The following SLC26A7 variants were observed in gnomAD, a reference collection of about 807,000 sequenced individuals.
The protein encoded by SLC26A7 is solute carrier family 26 member 7.
Under a neutral mutation model 82.5 loss-of-function variants are expected in SLC26A7, and 59 were observed. That is an observed-to-expected ratio of 0.72 (90% CI 0.58 to 0.89). SLC26A7 has a LOEUF of 0.89. SLC26A7 is among the 40% of genes least tolerant of loss of function. The pLI is 0.00. For synonymous variants in SLC26A7, 271 were observed against 274.3 expected (o/e 0.99, Z 0.12); for missense variants, 820 against 793.0 (o/e 1.03, Z -0.41).
intron 2 of SLC26A7, among the ~76,000 whole-genome samples, chr8:91,223,298 T>C (rs1167135681): frequency 6.6e-6 from 1 of 152,112 alleles, no homozygotes; most frequent in Non-Finnish European, 1.5e-5. Context: ...GATTCATTTA[T>C]TTTTTGGAGG....
At chr8:91,379,988 A>G (rs1428430375) in intron 15 of SLC26A7, among the ~76,000 whole-genome samples, 1 of 152,136 alleles carries the variant, frequency 6.6e-6, no homozygotes, top group Non-Finnish European at 1.5e-5. Context: ...ATGAACAGGC[A>G]TTTCACATAA....
intron 10 of SLC26A7, among the ~76,000 whole-genome samples, chr8:91,352,104 A>C (rs1246382057): frequency 2.6e-5 from 4 of 151,902 alleles, no homozygotes; most frequent in Non-Finnish European, 5.9e-5. Flanking sequence ...TTTGGCTCTC[A>C]CATAAGAATG....
At position 91,334,290 on chromosome 8, in the gene SLC26A7, T is replaced by C; in HGVS notation, c.643-5T>C. ...TTTTGTTTGTATTTTTTCTCATTAC[T>C]GTAGATTTATGCATATGTTTTTGAA... On this transcript the variant is annotated splice_polypyrimidine_tract_variant and splice_region_variant and intron_variant, in intron 5 of 18. Transcript: ENST00000276609. 1 of 1,605,068 alleles carries C rather than the reference T, an allele frequency of 6.2e-7. No individual in the cohort carries two copies. Among genetic ancestry groups the C allele is most frequent in the Non-Finnish European group, 8.5e-7 (1 of 1,176,422 alleles).
Position 91,382,512 on chromosome 8 carries a change from A to T in SLC26A7, c.1676-6826A>T, listed in dbSNP as rs1000232508. ...TTAATAGAGAAGTAAAATATATTGAAGGTACACACTTCTTTTCAATCTTGT... is the reference window on the plus strand; with the variant it reads ...TTAATAGAGAAGTAAAATATATTGATGGTACACACTTCTTTTCAATCTTGT... On this transcript the variant is annotated intron_variant, in intron 15 of 18. Coordinates refer to ENST00000276609, the MANE Select transcript of SLC26A7 (RefSeq NM_052832.4). Among the ~76,000 whole-genome samples, 38 of 152,188 alleles carry T rather than the reference A, an allele frequency of 2.5e-4. 1 individual carries two copies. The highest frequency in any genetic ancestry group is 7.9e-4 in the Admixed American group (12 of 15,272).
intron 2 of SLC26A7, among the ~76,000 whole-genome samples, chr8:91,233,637 T>C (rs1810345959): frequency 6.6e-6 from 1 of 151,668 alleles, no homozygotes; most frequent in Admixed American, 6.6e-5. Context: ...GTGTGGAACC[T>C]GAAATCTCAC....
chr8:91,393,063 G>T (rs773976551), intron 16 of SLC26A7, among the ~76,000 whole-genome samples: 32 of 152,076 alleles, frequency 2.1e-4, no homozygotes, highest in Non-Finnish European at 3.8e-4. Context: ...AGAATATATT[G>T]TAAATGCACC....
chr8:91,218,878 T>C (rs1810107147), intron 1 of SLC26A7: 1 of 1,496,184 alleles, frequency 6.7e-7, no homozygotes, highest in Non-Finnish European at 9.1e-7. Context: ...ATTTTTAATC[T>C]TTACTTTTTA....
intron 2 of SLC26A7, among the ~76,000 whole-genome samples, chr8:91,279,234 T>C (rs983786044): frequency 6.7e-6 from 1 of 149,160 alleles, no homozygotes; most frequent in African/African-American, 2.5e-5. Context: ...TCTTGGCTAT[T>C]GTGAATAGTG....
intron 9 of SLC26A7, chr8:91,348,501 C>T (rs1813626993): frequency 2.8e-6 from 1 of 351,984 alleles, no homozygotes; most frequent in Non-Finnish European, 4.0e-6. Context: ...TAGATTATTT[C>T]ATTATCTTTT....
chr8:91,250,370 G>C (rs544890088), intron 2 of SLC26A7, among the ~76,000 whole-genome samples: 1 of 152,182 alleles, frequency 6.6e-6, no homozygotes, highest in African/African-American at 2.4e-5. Flanking sequence ...ATGTTTTACT[G>C]TCTATGCTGA....
intron 2 of SLC26A7, among the ~76,000 whole-genome samples, chr8:91,224,009 G>T (rs1034050170): frequency 3.3e-5 from 5 of 151,728 alleles, no homozygotes; most frequent in African/African-American, 1.2e-4. Context: ...TTCTTGTGCT[G>T]TGTTTTTTTA....
At chr8:91,261,847 CT>C (rs925381440) in intron 2 of SLC26A7, among the ~76,000 whole-genome samples, 3 of 152,044 alleles carry the variant, frequency 2.0e-5, no homozygotes, top group Non-Finnish European at 2.9e-5. Context: ...GAGTTTCTTT[CT>C]TTCTTTTAAA....
intron 2 of SLC26A7, among the ~76,000 whole-genome samples, chr8:91,270,915 G>T (rs1288527555): frequency 6.6e-6 from 1 of 152,132 alleles, no homozygotes; most frequent in African/African-American, 2.4e-5. Flanking sequence ...TCTTGGTAAG[G>T]TTTCTGCTAA....
chr8:91,267,113 C>CT (rs1811134670), intron 2 of SLC26A7, among the ~76,000 whole-genome samples: 1 of 151,686 alleles, frequency 6.6e-6, no homozygotes, highest in Non-Finnish European at 1.5e-5. Context: ...AATGATTTTT[C>CT]TTTTTTGTGT....
intron 15 of SLC26A7, among the ~76,000 whole-genome samples, chr8:91,381,774 G>A (rs900050498): frequency 9.2e-5 from 14 of 152,004 alleles, no homozygotes; most frequent in African/African-American, 3.1e-4. Flanking sequence ...TTCAAGTAAC[G>A]CCCTGCTGTA....
Position 91,334,427 on chromosome 8 carries a change from C to T in SLC26A7, c.775C>T (p.Leu259Phe), listed in dbSNP as rs776520984. 6.2e-7 allele frequency: 1 copy of T among 1,611,872 alleles called. No homozygotes were observed. The highest frequency in any genetic ancestry group is 8.5e-7 in the Non-Finnish European group (1 of 1,179,112). ...EQFKRKIKVVLPVDLVLIIAA... is the reference protein window; with the variant it reads ...EQFKRKIKVVFPVDLVLIIAA... Reference sequence around the variant, plus strand: ...GTTTAAAAGGAAAATTAAAGTTGTTCTTCCTGTAGATTTAGTTTTGGTAAG... The same window carrying T: ...GTTTAAAAGGAAAATTAAAGTTGTTTTTCCTGTAGATTTAGTTTTGGTAAG... Residue 259 changes from leucine to phenylalanine, a missense_variant, in exon 6 of 19, where the codon CTT becomes TTT. Leu to Phe is a conservative substitution (Grantham distance 22). Coordinates refer to ENST00000276609, the MANE Select transcript of SLC26A7 (RefSeq NM_052832.4).
chr8:91,243,657 A>G (rs917700245), intron 2 of SLC26A7, among the ~76,000 whole-genome samples: 4 of 152,214 alleles, frequency 2.6e-5, no homozygotes, highest in Non-Finnish European at 1.5e-5. Flanking sequence ...ACACTGGGGA[A>G]TGATTAAAAT....
At chr8:91,327,928 G>C (rs1812977530) in intron 5 of SLC26A7, among the ~76,000 whole-genome samples, 1 of 151,958 alleles carries the variant, frequency 6.6e-6, no homozygotes, top group Non-Finnish European at 1.5e-5. Context: ...CATTACTAGT[G>C]AAGAATTATT....
chr8:91,225,654 T>TTG (rs1810226786), intron 2 of SLC26A7, among the ~76,000 whole-genome samples: 2 of 130,392 alleles, frequency 1.5e-5, no homozygotes, highest in African/African-American at 5.6e-5. Context: ...TTTTTTTTTT[T>TTG]TTTTTTTTTT....
Sources: allele counts gnomAD v4.1 joint callset (sites outside exome capture counted in the v4.1 genomes callset), GRCh38; gene constraint gnomAD v4.1.1; transcripts MANE v1.5; gene names NCBI Gene and HGNC (gene_info 2026-07-23, HGNC 2026-07-21).